ZNG1A: variants seen among roughly 807,000 people sequenced by gnomAD.
ZNG1A encodes Zn regulated GTPase metalloprotein activator 1A.
At chr9:160,242 G>C in the ZNG1A span, 3 of 452,788 alleles carry the variant, frequency 6.6e-6, no homozygotes, top group Non-Finnish European at 1.3e-5. Flanking sequence ...TGGCTGGCTG[G>C]CCACAGGGTA....
At chr9:146,210 C>A in the ZNG1A span, 14 of 1,581,498 alleles carry the variant, frequency 8.9e-6, no homozygotes, top group African/African-American at 1.4e-5. Context: ...GAAATACATC[C>A]AGTTAATCAA....
the ZNG1A span, chr9:161,529 A>C: frequency 1.6e-6 from 2 of 1,268,116 alleles, no homozygotes; most frequent in African/African-American, 3.1e-5. Context: ...AACAGACACT[A>C]ATTTTTAAAC....
At chr9:131,468 C>A in the ZNG1A span, among the ~76,000 whole-genome samples, 1 of 149,618 alleles carries the variant, frequency 6.7e-6, no homozygotes, top group Admixed American at 6.6e-5. Context: ...CCCTAATGTG[C>A]TTAAACTCAA....
chr9:145,825 A>G, the ZNG1A span, among the ~76,000 whole-genome samples: 10 of 151,962 alleles, frequency 6.6e-5, no homozygotes, highest in African/African-American at 2.2e-4. Context: ...TTTCTCATAG[A>G]AAGAGTATTA....
chr9:141,545 T>C, the ZNG1A span, among the ~76,000 whole-genome samples: 43 of 149,384 alleles, frequency 2.9e-4, no homozygotes, highest in Admixed American at 4.7e-4. Context: ...AAGGAAGCAC[T>C]AAACGTGGAA....
chr9:176,581 C>T, the ZNG1A span, among the ~76,000 whole-genome samples: 1 of 151,910 alleles, frequency 6.6e-6, no homozygotes, highest in Non-Finnish European at 1.5e-5. Flanking sequence ...TCTTTTAGGT[C>T]ATATTCCTTT....
chr9:144,971 G>A, the ZNG1A span, among the ~76,000 whole-genome samples: 3 of 151,532 alleles, frequency 2.0e-5, no homozygotes, highest in African/African-American at 7.3e-5. Context: ...GGCCATCAGA[G>A]AAATGCAAAT....
the ZNG1A span, among the ~76,000 whole-genome samples, chr9:156,026 G>A: frequency 2.7e-5 from 4 of 150,818 alleles, no homozygotes; most frequent in East Asian, 7.7e-4. Context: ...TGTAATCCCA[G>A]CTACTTGGGA....
At chr9:172,401 T>C in the ZNG1A span, 1 of 426,834 alleles carries the variant, frequency 2.3e-6, no homozygotes, top group South Asian at 4.5e-5. Context: ...CATAATACTT[T>C]ATCAAAATTA....
the ZNG1A span, among the ~76,000 whole-genome samples, chr9:174,755 T>C: frequency 6.6e-6 from 1 of 151,344 alleles, no homozygotes; most frequent in Non-Finnish European, 1.5e-5. Flanking sequence ...TTAATAGATA[T>C]TGTTTTTTGG....
the ZNG1A span, among the ~76,000 whole-genome samples, chr9:168,647 A>G: frequency 1.3e-5 from 2 of 148,470 alleles, no homozygotes; most frequent in African/African-American, 5.2e-5. Flanking sequence ...GCCTGGCTTC[A>G]AAGATTCAAA....
At chr9:146,325 T>G in the ZNG1A span, 7 of 621,222 alleles carry the variant, frequency 1.1e-5, no homozygotes, top group East Asian at 2.0e-4. Flanking sequence ...AATTATTTGT[T>G]TATTACTTCA....
At chr9:165,026 G>A in the ZNG1A span, among the ~76,000 whole-genome samples, 5 of 152,256 alleles carry the variant, frequency 3.3e-5, no homozygotes, top group Admixed American at 2.6e-4. Flanking sequence ...GACTCAAATA[G>A]GATTTGTGAG....
chr9:169,629 T>C, the ZNG1A span, among the ~76,000 whole-genome samples: 1 of 147,804 alleles, frequency 6.8e-6, no homozygotes, highest in African/African-American at 2.5e-5. Context: ...ATTATTATCT[T>C]ATGAAATTGC....
the ZNG1A span, among the ~76,000 whole-genome samples, chr9:155,367 C>T: frequency 2.6e-5 from 4 of 151,042 alleles, no homozygotes; most frequent in South Asian, 4.2e-4. Flanking sequence ...AGGGAGGATC[C>T]CTTAAGCCCA....
the ZNG1A span, among the ~76,000 whole-genome samples, chr9:144,439 G>A: frequency 3.5e-5 from 5 of 144,600 alleles, no homozygotes; most frequent in East Asian, 6.2e-4. Context: ...AAAACAAGCA[G>A]TGGGGAAAGG....
At chr9:141,492 G>A in the ZNG1A span, among the ~76,000 whole-genome samples, 1 of 149,640 alleles carries the variant, frequency 6.7e-6, no homozygotes, top group South Asian at 2.2e-4. Context: ...AGCAAATGCT[G>A]AGAGATTTTG....
chr9:159,111 T>A, the ZNG1A span, among the ~76,000 whole-genome samples: 2 of 150,450 alleles, frequency 1.3e-5, no homozygotes, highest in Non-Finnish European at 3.0e-5. Flanking sequence ...AAATATTTTT[T>A]AAATATTTTA....
At chr9:130,009 T>C in the ZNG1A span, among the ~76,000 whole-genome samples, 4 of 150,564 alleles carry the variant, frequency 2.7e-5, no homozygotes, top group Admixed American at 6.6e-5. Flanking sequence ...TATATGTTAC[T>C]GTACTGAACA....
Sources: gnomAD v4.1 joint callset for allele counts (sites outside exome capture counted in the v4.1 genomes callset) on GRCh38, gnomAD v4.1.1 for gene constraint, MANE v1.5 for transcripts, NCBI Gene and HGNC (gene_info 2026-07-23, HGNC 2026-07-21) for gene names.